JUP: variants seen among roughly 807,000 people sequenced by gnomAD.
JUP encodes catenin (cadherin-associated protein), gamma 80kDa.
Under a neutral mutation model 71.1 loss-of-function variants are expected in JUP, and 28 were observed. That is an observed-to-expected ratio of 0.39 (90% CI 0.29 to 0.54). The LOEUF (loss-of-function observed/expected upper bound fraction) is 0.54. JUP is among the 20% of genes least tolerant of loss of function. The probability of loss-of-function intolerance (pLI) is 0.62; values close to 1 mark genes in which losing one functional copy is unlikely to be tolerated. For synonymous variants in JUP, 401 were observed against 438.9 expected, an observed-to-expected ratio of 0.91 and a Z score of 1.08; for missense variants, 869 against 1,030.1, an observed-to-expected ratio of 0.84 and a Z score of 2.14.
Position 41,758,429 on chromosome 17 carries a change from G to A in JUP, c.1743C>T (p.Phe581=). ...CAAACAGGGGAATGGTGTTGAGCCG[G>A]AAGATCTCCATGCGGTTCATGGGGT... ...ARDPMNRMEI[F]RLNTIPLFVQ... The change falls in exon 10 of 14, where the codon TTC becomes TTT. Residue 581 remains phenylalanine (F), a synonymous_variant. Transcript: ENST00000393931. The A allele has an allele frequency of 6.2e-7, 1 of 1,613,788 alleles. No individual in the cohort carries two copies.
chr17:41,763,689 G>A (rs1430306849), intron 7 of JUP, among the ~76,000 whole-genome samples: 1 of 152,064 alleles, frequency 6.6e-6, no homozygotes, highest in African/African-American at 2.4e-5. Flanking sequence ...GGGAGGCCTC[G>A]AGACCAGGAG....
chr17:41,768,491 G>A (rs937522796), intron 4 of JUP, among the ~76,000 whole-genome samples: 1 of 152,150 alleles, frequency 6.6e-6, no homozygotes, highest in East Asian at 1.9e-4. Context: ...GAACCCAGGA[G>A]GTGGAGGCTG....
chr17:41,773,373 T>G (rs1341517799), intron 1 of JUP, among the ~76,000 whole-genome samples: 18 of 152,306 alleles, frequency 1.2e-4, no homozygotes, highest in Non-Finnish European at 2.4e-4. Context: ...CAGGCAGCCG[T>G]GAGCACACCC....
intron 1 of JUP, among the ~76,000 whole-genome samples, chr17:41,785,340 G>C (rs112995438): frequency 1.1e-4 from 16 of 152,152 alleles, no homozygotes; most frequent in Non-Finnish European, 1.9e-4. Context: ...TTCCTGGGGA[G>C]GGGGCAGAGC....
chr17:41,758,317 GGC>G (rs1460258842), intron 10 of JUP, 80 bp downstream of exon 10: 1 of 1,585,090 alleles, frequency 6.3e-7, no homozygotes, highest in African/African-American at 1.3e-5. Context: ...ACCTGGTCCA[GGC>G]CTCCCAAATC....
intron 4 of JUP, 65 bp downstream of exon 4, chr17:41,768,904 G>T: frequency 8.1e-7 from 1 of 1,240,290 alleles, no homozygotes; most frequent in Non-Finnish European, 1.2e-6. Context: ...GAAGCTCAGG[G>T]AAGGGAGGGG....
At chr17:41,785,206 C>G (rs1439330475) in intron 1 of JUP, 1 of 152,070 alleles carries the variant, frequency 6.6e-6, no homozygotes, top group Non-Finnish European at 1.5e-5. Flanking sequence ...CAGCCTCATG[C>G]GCTTCTGCCT....
rs782122765 is a variant in JUP at position 41,757,650 on chromosome 17, G to C, written c.1908C>G (p.Ser636=). 1 of 1,613,698 alleles carries C rather than the reference G, an allele frequency of 6.2e-7. No individual in the cohort carries two copies. Among genetic ancestry groups the C allele is most frequent in the Admixed American group, 1.7e-5 (1 of 59,946 alleles). The change falls in exon 11 of 14, where the codon TCC becomes TCG. Residue 636 remains serine (S), a synonymous_variant. Transcript: ENST00000393931. ...CCAGCTCACCAGTGCCCTCGTTGCGGGAGTGCAGCAACTCCATGAGTGGGG... is the reference window on the plus strand; with the variant it reads ...CCAGCTCACCAGTGCCCTCGTTGCGCGAGTGCAGCAACTCCATGAGTGGGG... ...ASAPLMELLH[S]RNEGTATYAA... is the part of the protein sequence containing the mutation.
intron 2 of JUP, chr17:41,771,408 G>A (rs1916628098): frequency 6.8e-6 from 4 of 590,430 alleles, no homozygotes; most frequent in Non-Finnish European, 1.2e-5. Flanking sequence ...CTAAGGGCAG[G>A]GACTATGCCT....
rs781822316 is a variant in JUP at position 41,767,499 on chromosome 17, G to A, written c.789C>T (p.Ala263=). ...LLLYQEGAKM[A]VRLADGLQKM... ...TTTGCAGCCCGTCGGCCAGGCGCAC[G>A]GCCATCTTGGCGCCCTCCTGGTACA... is the stretch of plus-strand genomic sequence containing the variant. The change falls in exon 5 of 14, where the codon GCC becomes GCT. Residue 263 remains alanine, a synonymous_variant. Transcript: ENST00000393931. The A allele has an allele frequency of 2.5e-5, 40 of 1,613,926 alleles. No individual in the cohort carries two copies. Among genetic ancestry groups the A allele is most frequent in the Admixed American group, 1.3e-4 (8 of 59,992 alleles).
intron 1 of JUP, among the ~76,000 whole-genome samples, chr17:41,774,980 G>A (rs1378263233): frequency 6.6e-6 from 1 of 152,028 alleles, no homozygotes; most frequent in Non-Finnish European, 1.5e-5. Context: ...GTGTGCACCT[G>A]TAATCCCAGC....
chr17:41,757,817 G>T lies in JUP; in HGVS notation c.1774-33C>A, dbSNP rs566441511. The T allele has an allele frequency of 1.6e-4, 245 of 1,578,910 alleles. 2 individuals are homozygous for T. The South Asian group carries it at 2.5e-3, about 16-fold the overall frequency. The stretch of plus-strand genomic sequence containing the variant: ...GAGGGGACGTGGGAAGCAGGGGAGA[G>T]GTGGAAAGGGGTGAGGCAGGCCGGA... On this transcript the variant is annotated intron_variant, in intron 10 of 13. Transcript: ENST00000393931.
rs140923231 is a variant in JUP, at chr17:41,767,234, G to A, written c.909+145C>T. The A allele has an allele frequency of 2.1e-5, 14 of 674,028 alleles. No individual in the cohort carries two copies. The East Asian group carries it at 3.8e-4, about 18-fold the overall frequency. 41.8% of individuals were successfully genotyped at this position (674,028 alleles called of 1,614,324 possible). A position where few individuals can be genotyped will look rare whatever the true frequency, so the allele number is the denominator to read the frequency against. ...CCTTATCCTCAAAATAATAATTCTG[G>A]GCAATTCAGTCGCATGATGAAGCAT... On this transcript the variant is annotated intron_variant, in intron 5 of 13. Coordinates refer to ENST00000393931, the MANE Select transcript of JUP (RefSeq NM_002230.4).
chr17:41,776,855 A>G (rs1408542101), intron 1 of JUP, among the ~76,000 whole-genome samples: 5 of 151,930 alleles, frequency 3.3e-5, no homozygotes, highest in African/African-American at 1.2e-4. Flanking sequence ...AAATACAAAA[A>G]ATTAGCCAGG....
At chr17:41,756,854 C>T (rs951728227) in intron 12 of JUP, among the ~76,000 whole-genome samples, 15 of 151,406 alleles carry the variant, frequency 9.9e-5, no homozygotes, top group African/African-American at 3.4e-4. Flanking sequence ...GAGCCAAGAT[C>T]ACACCACTGC....
In JUP at chr17:41,764,771, CG is replaced by C; in HGVS notation, c.1099del (p.Arg367AlafsTer27). ...GGTCCACAGGCAGTTCTGCACCAGG[CG>C]GGGGCTGTTGCTGGTCAGGTGCTTG... ...LGKHLTSNSP[R>X]LVQNCLWTLR... On this transcript the variant is annotated frameshift_variant, in exon 7 of 14. Transcript: ENST00000393931. LOFTEE classifies it high-confidence loss of function. 1 of 1,613,606 alleles carries C rather than the reference CG, an allele frequency of 6.2e-7. No individual in the cohort carries two copies.
rs541560189 is a variant in JUP, at chr17:41,767,455, T to C, written c.833A>G (p.Asn278Ser). 6 of 1,614,112 alleles carry C rather than the reference T, an allele frequency of 3.7e-6. No individual in the cohort carries two copies. The highest frequency in any genetic ancestry group is 3.3e-5 in the Admixed American group (2 of 60,012). ...DGLQKMVPLL[N>S]KNNPKFLAIT... ...GGCCAGGAACTTGGGGTTGTTCTTG[T>C]TGAGCAGGGGCACCATCTTTTGCAG... The change falls in exon 5 of 14, where the codon AAC becomes AGC. Residue 278 changes from asparagine to serine, a missense_variant. Physicochemically the swap from Asn to Ser is conservative, Grantham distance 46. Transcript: ENST00000393931.
chr17:41,768,402 A>ATC (rs1555604865), intron 4 of JUP, among the ~76,000 whole-genome samples: 1 of 48,042 alleles, frequency 2.1e-5, no homozygotes, highest in South Asian at 6.5e-4. Context: ...TCCATCTCAA[A>ATC]ACAAAAAAAA....
At chr17:41,760,894 G>C (rs1389173705) in intron 8 of JUP, among the ~76,000 whole-genome samples, 1 of 152,140 alleles carries the variant, frequency 6.6e-6, no homozygotes. Flanking sequence ...AAATGTAGCT[G>C]GCGGATGCCC....
Sources: allele counts gnomAD v4.1 joint callset (sites outside exome capture counted in the v4.1 genomes callset), GRCh38; gene constraint gnomAD v4.1.1; transcripts MANE v1.5; gene names NCBI Gene and HGNC (gene_info 2026-07-23, HGNC 2026-07-21).